The following ASMT variants were observed in gnomAD, a reference collection of about 807,000 sequenced individuals.
ASMT encodes acetylserotonin O-methyltransferase.
ASMT carries 53 observed loss-of-function variants against 41.3 expected under a neutral mutation model. That is an observed-to-expected ratio of 1.28 (90% CI 1.03 to 1.61). ASMT has a LOEUF of 1.61. ASMT is among the 40% of genes most tolerant of loss of function. ASMT has a pLI of 0.00. For synonymous variants in ASMT, 231 were observed against 184.8 expected (o/e 1.25, Z -2.03); for missense variants, 531 against 441.3 (o/e 1.20, Z -1.82).
Position 1,615,141 on chromosome X carries a change from G to C in ASMT, c.-59G>C. ...CTTCCCCACCTTGCCAGCAGGCTCTGTGCTCCTTGAAGCAAGCGCTCCAGA... is the reference window on the plus strand; with the variant it reads ...CTTCCCCACCTTGCCAGCAGGCTCTCTGCTCCTTGAAGCAAGCGCTCCAGA... On this transcript the variant is annotated 5_prime_UTR_variant, in exon 1 of 9. Transcript: ENST00000381241. The C allele has an allele frequency of 6.6e-7, 1 of 1,504,724 alleles. No individual in the cohort carries two copies. Among genetic ancestry groups the C allele is most frequent in the Non-Finnish European group, 9.1e-7 (1 of 1,102,960 alleles). The allele number at this position is 1,504,724 out of a possible 1,614,324, so 93.2% of individuals were successfully genotyped here.
chrX:1,616,121 A>C (rs150862298), intron 1 of ASMT, among the ~76,000 whole-genome samples: 3,465 of 147,210 alleles, frequency 0.024, 260 homozygotes, highest in African/African-American at 0.088. Context: ...CTCCGCCTCC[A>C]GGGTTCAGGC....
At chrX:1,625,716 A>T (rs1473605619) in intron 3 of ASMT, among the ~76,000 whole-genome samples, 1 of 151,848 alleles carries the variant, frequency 6.6e-6, no homozygotes, top group Non-Finnish European at 1.5e-5. Flanking sequence ...GCACTTTGGG[A>T]GGCTGAGGCG....
At chrX:1,623,070 G>A (rs1215494519) in intron 1 of ASMT, 69 bp from the exon 2 acceptor site, 1 of 1,497,576 alleles carries the variant, frequency 6.7e-7, no homozygotes, top group Non-Finnish European at 9.3e-7. Flanking sequence ...GCCATGGTAT[G>A]GGGTGTTTCT....
chrX:1,617,718 C>A (rs746506563), intron 1 of ASMT, among the ~76,000 whole-genome samples: 11 of 151,522 alleles, frequency 7.3e-5, no homozygotes, highest in Non-Finnish European at 1.6e-4. Context: ...CGGGTTCAAG[C>A]GATTCTCCTG....
chrX:1,623,339 G>A (rs1470513094), intron 2 of ASMT, 26 bp downstream of exon 2: 8 of 1,613,672 alleles, frequency 5.0e-6, no homozygotes, highest in Middle Eastern at 1.7e-4. Context: ...TTTTGAAGGA[G>A]GCATTTTACA....
chrX:1,627,843 A>G, intron 4 of ASMT, 72 bp downstream of exon 4: 4 of 1,440,938 alleles, frequency 2.8e-6, no homozygotes, highest in Non-Finnish European at 3.9e-6. Flanking sequence ...TAGGAAACCC[A>G]ATCCATTTAC....
rs766282716 is a variant in ASMT at position 1,636,306 on chromosome X, G to A, written c.788-132G>A. The A allele has an allele frequency of 5.3e-6, 7 of 1,323,534 alleles. No homozygotes were observed. The African/African-American group carries it at 7.2e-5, about 14-fold the overall frequency. The allele number at this position is 1,323,534 out of a possible 1,614,324, so 82.0% of individuals were successfully genotyped here. A position where few individuals can be genotyped will look rare whatever the true frequency, so the allele number is the denominator to read the frequency against. ...AAGCCTTTTTGTTTTCTGAGGCTAG[G>A]TCTGCAGGTGACTAGCCTGGAAGAC... On this transcript the variant is annotated intron_variant, in intron 7 of 8. Coordinates refer to ENST00000381241, the MANE Select transcript of ASMT (RefSeq NM_001171038.2).
At chrX:1,637,082 TGAG>T (rs1389743710) in intron 8 of ASMT, among the ~76,000 whole-genome samples, 1 of 98,906 alleles carries the variant, frequency 1.0e-5, no homozygotes, top group African/African-American at 3.9e-5. Flanking sequence ...CCTCTGTGTG[TGAG>T]ATAAGGACTG....
At chrX:1,617,655 G>A (rs186240645) in intron 1 of ASMT, among the ~76,000 whole-genome samples, 18,173 of 148,218 alleles carry the variant, frequency 0.12, 1,392 homozygotes, top group South Asian at 0.25. Context: ...CCCTCTTGTC[G>A]CCCAGGCTGG....
chrX:1,626,064 GACTGTT>G (rs1355512262), intron 3 of ASMT, among the ~76,000 whole-genome samples: 3 of 151,512 alleles, frequency 2.0e-5, no homozygotes, highest in Non-Finnish European at 4.4e-5. Flanking sequence ...AGAAAGAATA[GACTGTT>G]ACTGTTTCCT....
intron 2 of ASMT, among the ~76,000 whole-genome samples, chrX:1,623,744 A>C (rs6588804): frequency 6.6e-6 from 1 of 151,472 alleles, no homozygotes; most frequent in Non-Finnish European, 1.5e-5. Flanking sequence ...CGTATTTTTA[A>C]TAGAGACAGG....
intron 1 of ASMT, among the ~76,000 whole-genome samples, chrX:1,619,570 A>G (rs1311986337): frequency 2.1e-5 from 3 of 145,564 alleles, no homozygotes; most frequent in Non-Finnish European, 3.0e-5. Context: ...TAATAATAAT[A>G]ATAATAATAA....
At chrX:1,625,558 G>GAGGGAGGGAAAGGGGGGGAGGT (rs1934506088) in intron 3 of ASMT, among the ~76,000 whole-genome samples, 1 of 129,930 alleles carries the variant, frequency 7.7e-6, no homozygotes, top group Admixed American at 7.9e-5. Flanking sequence ...GGGAGGGAGG[G>GAGGGAGGGAAAGGGGGGGAGGT]AGGGAGGGAG....
At chrX:1,616,253 T>C (rs188946545) in intron 1 of ASMT, among the ~76,000 whole-genome samples, 3 of 151,536 alleles carry the variant, frequency 2.0e-5, no homozygotes, top group East Asian at 3.9e-4. Context: ...GGTCTCGAAC[T>C]CCTGACCTCA....
chrX:1,636,498 A>T lies in ASMT; in HGVS notation c.848A>T (p.His283Leu). The T allele has an allele frequency of 6.2e-7, 1 of 1,613,906 alleles. No individual in the cohort carries two copies. The highest frequency in any genetic ancestry group is 1.7e-5 in the Admixed American group (1 of 59,994). Residue 283 changes from histidine (H) to leucine (L), a missense_variant, in exon 8 of 9, where the codon CAT (histidine) becomes CTT (leucine). His to Leu is a moderately conservative substitution (Grantham distance 99). Transcript: ENST00000381241. ...CTGTACATCCTGGCCAGGGTCCTCC[A>T]TGACTGGGCAGACGGAAAGTGCTCA... ...ADLYILARVL[H>L]DWADGKCSHL...
chrX:1,623,851 G>A (rs1250949957), intron 2 of ASMT, among the ~76,000 whole-genome samples: 3 of 152,072 alleles, frequency 2.0e-5, no homozygotes, highest in African/African-American at 7.2e-5. Flanking sequence ...ATTTCGTCAC[G>A]TTGGCCAGGC....
In ASMT at chrX:1,629,704, C is replaced by A. The variant is rs1437606667; in HGVS notation, c.444-117C>A. ...TCCTGTTCCATTTCACAAATGCAAG[C>A]CTTCCAGGTGCACCTGTGGGGTATA... On this transcript the variant is annotated intron_variant, in intron 4 of 8. Transcript: ENST00000381241. The A allele has an allele frequency of 6.8e-5, 64 of 942,740 alleles. No homozygotes were observed. The African/African-American group carries it at 7.2e-4, about 11-fold the overall frequency. 58.4% of individuals were successfully genotyped at this position (942,740 alleles called of 1,614,324 possible). A position where few individuals can be genotyped will look rare whatever the true frequency, so the allele number is the denominator to read the frequency against.
chrX:1,626,015 T>C (rs1934537198), intron 3 of ASMT, among the ~76,000 whole-genome samples: 1 of 149,492 alleles, frequency 6.7e-6, no homozygotes, highest in Non-Finnish European at 1.5e-5. Flanking sequence ...GGAGACCAAA[T>C]TCTTATTATG....
chrX:1,627,861 G>A (rs1382767135), intron 4 of ASMT, 90 bp downstream of exon 4: 17 of 1,226,742 alleles, frequency 1.4e-5, no homozygotes, highest in Middle Eastern at 2.0e-4. Context: ...TACTCAAATG[G>A]CACAACCCAG....
Sources: allele counts gnomAD v4.1 joint callset (sites outside exome capture counted in the v4.1 genomes callset), GRCh38; gene constraint gnomAD v4.1.1; transcripts MANE v1.5; gene names NCBI Gene and HGNC (gene_info 2026-07-23, HGNC 2026-07-21).